ZNF331: variants seen among roughly 807,000 people sequenced by gnomAD.
ZNF331 encodes the protein C2H2-like zinc finger protein rearranged in thyroid adenomas.
Under a neutral mutation model 7.0 loss-of-function variants are expected in ZNF331, and 2 were observed. The ratio of observed to expected loss-of-function variants is 0.29; its 90% CI spans 0.12 to 0.90. ZNF331 has a LOEUF of 0.90. Ranked by LOEUF, ZNF331 falls within the 40% of genes least tolerant of loss-of-function variation. The pLI is 0.58. For missense variants in ZNF331, 432 were observed against 587.7 expected, an observed-to-expected ratio of 0.74 and a Z score of 2.74; for synonymous variants, 196 against 205.4, an observed-to-expected ratio of 0.95 and a Z score of 0.39.
At chr19:53,552,662 G>T (rs1008753472) in intron 2 of ZNF331, among the ~76,000 whole-genome samples, 1 of 152,168 alleles carries the variant, frequency 6.6e-6, no homozygotes, top group African/African-American at 2.4e-5. Context: ...AGCCTAGGAG[G>T]CAGAGGTTGC....
intron 2 of ZNF331, among the ~76,000 whole-genome samples, chr19:53,530,757 G>A (rs753274630): frequency 3.9e-5 from 6 of 152,358 alleles, no homozygotes; most frequent in South Asian, 2.1e-4. Context: ...GTGTGTGCAT[G>A]TACATTGGCA....
At chr19:53,574,960 C>T (rs1206740334) in intron 5 of ZNF331, among the ~76,000 whole-genome samples, 5 of 123,450 alleles carry the variant, frequency 4.1e-5, no homozygotes, top group Middle Eastern at 5.6e-3. Context: ...TTTTTTGAGG[C>T]AGGGTCTTAC....
intron 5 of ZNF331, among the ~76,000 whole-genome samples, chr19:53,576,128 T>G (rs576169745): frequency 1.5e-4 from 23 of 152,122 alleles, no homozygotes; most frequent in African/African-American, 5.5e-4. Context: ...GGGATTACAG[T>G]CATGCGCCAC....
chr19:53,565,424 G>A (rs1407836896), intron 3 of ZNF331, among the ~76,000 whole-genome samples: 1 of 151,764 alleles, frequency 6.6e-6, no homozygotes, highest in Non-Finnish European at 1.5e-5. Context: ...CAGACTCCTG[G>A]CTTCAAGCAG....
chr19:53,535,555 A>G (rs77014902), upstream of ZNF331, among the ~76,000 whole-genome samples: 33 of 152,330 alleles, frequency 2.2e-4, no homozygotes, highest in East Asian at 6.0e-3. Flanking sequence ...CATAGTTTGT[A>G]AAAGAAATCC....
intron 4 of ZNF331, 54 bp downstream of exon 4, chr19:53,569,439 T>C (rs1319821641): frequency 4.4e-6 from 7 of 1,600,746 alleles, no homozygotes; most frequent in Non-Finnish European, 6.0e-6. Flanking sequence ...GTTCTGTGCA[T>C]CTGCTTGTGA....
rs1568509802 is a variant in ZNF331, at chr19:53,558,862, T to TAC, written c.-74+2962_-74+2963dup. 1.3e-5 allele frequency among the ~76,000 whole-genome samples: 2 copies of TAC among 149,266 alleles called. No individual in the cohort carries two copies. The highest frequency in any genetic ancestry group is 6.7e-5 in the Admixed American group (1 of 14,976). On this transcript the variant is annotated intron_variant, in intron 3 of 5. Transcript: ENST00000449416. This position sits in a 1 kb window ranked among gnomAD's most constrained non-coding sequence, Gnocchi z 4.5. ...CATATATACACACCATACACACATA[T>TAC]ACACACACATACCCCATATATACAC...
chr19:53,524,315 T>C (rs912734025), intron 2 of ZNF331, among the ~76,000 whole-genome samples: 4 of 152,232 alleles, frequency 2.6e-5, no homozygotes, highest in African/African-American at 9.6e-5. Flanking sequence ...TATTTCTAGT[T>C]CTAGATTCTT....
chr19:53,531,387 T>C (rs1004194919), intron 2 of ZNF331, among the ~76,000 whole-genome samples: 36 of 152,362 alleles, frequency 2.4e-4, no homozygotes, highest in African/African-American at 7.7e-4. Context: ...ATGTTATTCA[T>C]GTGCCTCTTT....
upstream of ZNF331, among the ~76,000 whole-genome samples, chr19:53,537,920 G>A (rs1049663636): frequency 6.6e-6 from 1 of 151,992 alleles, no homozygotes; most frequent in Non-Finnish European, 1.5e-5. Flanking sequence ...GCACACGCCC[G>A]TCAGGGTCTG....
chr19:53,521,359 T>TGTGTGTGTGA (rs2087078267), exon 1 of ZNF331: 2 of 153,850 alleles, frequency 1.3e-5, no homozygotes, highest in African/African-American at 4.8e-5. Flanking sequence ...TGTGTGTGTG[T>TGTGTGTGTGA]GTGAATAAGC....
intron 2 of ZNF331, among the ~76,000 whole-genome samples, chr19:53,528,303 T>C (rs2087386805): frequency 2.0e-5 from 3 of 152,224 alleles, no homozygotes. Flanking sequence ...GCATTCATGA[T>C]ATTGATAGCT....
At chr19:53,534,910 G>A (rs1484063725), upstream of ZNF331, among the ~76,000 whole-genome samples, 2 of 150,266 alleles carry the variant, frequency 1.3e-5, no homozygotes, top group South Asian at 2.1e-4. Flanking sequence ...TAGCTAGAAT[G>A]TACCCACTCC....
At chr19:53,541,078 G>A (rs1484325664) in intron 2 of ZNF331, among the ~76,000 whole-genome samples, 1 of 151,764 alleles carries the variant, frequency 6.6e-6, no homozygotes, top group African/African-American at 2.4e-5. Context: ...GTTTGAGAGA[G>A]GCAACGAGAG....
chr19:53,524,382 A>G (rs1049176630), intron 2 of ZNF331, among the ~76,000 whole-genome samples: 2 of 152,226 alleles, frequency 1.3e-5, no homozygotes, highest in Non-Finnish European at 2.9e-5. Context: ...TCCCACCAAC[A>G]GTGTAAAAGT....
At chr19:53,561,184 G>T (rs1218819822) in intron 3 of ZNF331, among the ~76,000 whole-genome samples, 4 of 152,070 alleles carry the variant, frequency 2.6e-5, no homozygotes. Flanking sequence ...ACACACATTT[G>T]AGAGGCAGGC....
upstream of ZNF331, among the ~76,000 whole-genome samples, chr19:53,518,905 T>G (rs2086971124): frequency 6.6e-6 from 1 of 152,216 alleles, no homozygotes; most frequent in Non-Finnish European, 1.5e-5. Flanking sequence ...GCCTTGCTCC[T>G]TTTATGGCCA....
At chr19:53,512,912 C>G in the ZNF331 span, among the ~76,000 whole-genome samples, 51 of 150,138 alleles carry the variant, frequency 3.4e-4, no homozygotes, top group East Asian at 9.8e-3. Context: ...AACTGCCTTC[C>G]ACCAAACCAG....
At chr19:53,535,367 C>T (rs912017713), upstream of ZNF331, among the ~76,000 whole-genome samples, 3 of 152,220 alleles carry the variant, frequency 2.0e-5, no homozygotes, top group Non-Finnish European at 4.4e-5. Context: ...GCTGGGGTTA[C>T]AGGTGTAAGC....
Sources: allele counts gnomAD v4.1 joint callset (sites outside exome capture counted in the v4.1 genomes callset), GRCh38; gene constraint gnomAD v4.1.1; non-coding constraint Gnocchi (gnomAD v3.1); transcripts MANE v1.5; gene names NCBI Gene and HGNC (gene_info 2026-07-23, HGNC 2026-07-21).